The following ARHGAP28 variants were observed in gnomAD, a reference collection of about 807,000 sequenced individuals.
The protein encoded by ARHGAP28 is rho GTPase-activating protein 28.
In ARHGAP28, 56 loss-of-function variants were observed where a neutral mutation model predicts 90.7. The observed-to-expected ratio is 0.62, with a 90% confidence interval of 0.50 to 0.77. The LOEUF (loss-of-function observed/expected upper bound fraction) is 0.77, where lower values mean the gene tolerates loss of function less well. Ranked by LOEUF, ARHGAP28 falls within the 30% of genes least tolerant of loss-of-function variation. The pLI is 0.00. For synonymous variants in ARHGAP28, 308 were observed against 323.3 expected (o/e 0.95, Z 0.51); for missense variants, 869 against 900.9 (o/e 0.96, Z 0.45).
chr18:6,768,205 G>A (rs2056214867), intron 1 of ARHGAP28, among the ~76,000 whole-genome samples: 1 of 151,808 alleles, frequency 6.6e-6, no homozygotes, highest in Admixed American at 6.6e-5. Context: ...TTAAATAGTT[G>A]AGCATATTTA....
At chr18:6,859,596 G>T (rs2056981837) in intron 4 of ARHGAP28, among the ~76,000 whole-genome samples, 1 of 152,156 alleles carries the variant, frequency 6.6e-6, no homozygotes, top group Middle Eastern at 3.2e-3. Flanking sequence ...GCACATCAGT[G>T]TCTGCCACAG....
At chr18:6,811,875 A>G (rs1600207470) in intron 1 of ARHGAP28, among the ~76,000 whole-genome samples, 1 of 152,150 alleles carries the variant, frequency 6.6e-6, no homozygotes, top group Non-Finnish European at 1.5e-5. Context: ...ATCAATCCAC[A>G]TTTACCATTC....
chr18:6,758,781 A>G (rs565987315), intron 1 of ARHGAP28, among the ~76,000 whole-genome samples: 2 of 152,252 alleles, frequency 1.3e-5, no homozygotes, highest in East Asian at 1.9e-4. Context: ...TTTTTTCTCT[A>G]TCTATTCACT....
At chr18:6,777,398 T>C (rs1255685086) in intron 1 of ARHGAP28, among the ~76,000 whole-genome samples, 1 of 152,136 alleles carries the variant, frequency 6.6e-6, no homozygotes, top group Non-Finnish European at 1.5e-5. Flanking sequence ...CTTGACATAC[T>C]GAAGAGTCAG....
At chr18:6,848,593 C>G (rs2143218408) in intron 3 of ARHGAP28, among the ~76,000 whole-genome samples, 1 of 152,294 alleles carries the variant, frequency 6.6e-6, no homozygotes, top group South Asian at 2.1e-4. Flanking sequence ...GGTAAGGTAA[C>G]AGTTGGCCTT....
Position 6,890,026 on chromosome 18 carries a change from G to T in ARHGAP28, c.1675G>T (p.Ala559Ser), listed in dbSNP as rs760443545. 3 of 1,614,076 alleles carry T rather than the reference G, an allele frequency of 1.9e-6. No homozygotes were observed. The Admixed American group carries it at 5.0e-5, about 27-fold the overall frequency. ...CTCTGATTATGAAGAATTACTGTTA[G>T]CAAACACTGCGGCCCACATCATCCG... ...KHSDYEELLL[A>S]NTAAHIIRLM... The change falls in exon 13 of 18, where the codon GCA becomes TCA. Residue 559 changes from alanine to serine, a missense_variant. Transcript: ENST00000383472.
intron 1 of ARHGAP28, among the ~76,000 whole-genome samples, chr18:6,803,927 T>C (rs2056500768): frequency 6.6e-6 from 1 of 151,816 alleles, no homozygotes; most frequent in Non-Finnish European, 1.5e-5. Flanking sequence ...TACAGGCGCC[T>C]CCCACCACGC....
In ARHGAP28 at chr18:6,837,225, A is replaced by G; in HGVS notation, c.354A>G (p.Gln118=). The G allele has an allele frequency of 1.3e-6, 2 of 1,566,748 alleles. No individual in the cohort carries two copies. The highest frequency in any genetic ancestry group is 1.7e-6 in the Non-Finnish European group (2 of 1,158,842). ...GAGAACTTGAAGCAGAATGGCTGCA[A>G]GATGTGGGTTTATCAACTCTGATCT... ...DEGELEAEWL[Q]DVGLSTLISG... is the part of the protein sequence containing the mutation. Residue 118 remains glutamine (Q), a synonymous_variant, in exon 3 of 18, where the codon CAA becomes CAG. Coordinates refer to ENST00000383472, the MANE Select transcript of ARHGAP28 (RefSeq NM_001366230.1).
At chr18:6,870,852 G>A (rs933479158) in intron 7 of ARHGAP28, 120 bp downstream of exon 7, 15 of 1,067,964 alleles carry the variant, frequency 1.4e-5, no homozygotes, top group Admixed American at 5.5e-5. Context: ...CCAGGCTGGA[G>A]TGCAGTGGCG....
At chr18:6,851,359 ATG>A (rs765678777) in intron 4 of ARHGAP28, among the ~76,000 whole-genome samples, 5,536 of 152,286 alleles carry the variant, frequency 0.036, 117 homozygotes, top group Non-Finnish European at 0.056. Context: ...GATTATGGAA[ATG>A]CGAAGAAAGC....
At chr18:6,778,093 G>A (rs1456352413) in intron 1 of ARHGAP28, among the ~76,000 whole-genome samples, 3 of 152,184 alleles carry the variant, frequency 2.0e-5, no homozygotes, top group Non-Finnish European at 4.4e-5. Context: ...CCAAACTTGG[G>A]AAAGTTTTGC....
chr18:6,763,494 G>A (rs1171526454), intron 1 of ARHGAP28, among the ~76,000 whole-genome samples: 1 of 152,178 alleles, frequency 6.6e-6, no homozygotes, highest in Non-Finnish European at 1.5e-5. Context: ...TATTTTTCAA[G>A]GAAGAATATT....
intron 1 of ARHGAP28, among the ~76,000 whole-genome samples, chr18:6,792,162 A>T (rs1216964557): frequency 6.6e-6 from 1 of 152,170 alleles, no homozygotes; most frequent in Non-Finnish European, 1.5e-5. Context: ...GACGTAGAGG[A>T]AGGGATAGAA....
intron 2 of ARHGAP28, among the ~76,000 whole-genome samples, chr18:6,830,451 C>T (rs1469802197): frequency 6.6e-6 from 1 of 152,050 alleles, no homozygotes; most frequent in Non-Finnish European, 1.5e-5. Context: ...TACATTTCTC[C>T]TAAGACTATC....
At chr18:6,817,180 G>T (rs1432119241) in intron 1 of ARHGAP28, among the ~76,000 whole-genome samples, 1 of 151,932 alleles carries the variant, frequency 6.6e-6, no homozygotes, top group East Asian at 1.9e-4. Flanking sequence ...TGGGCATGGT[G>T]GTGCATGCCT....
chr18:6,839,416 C>G (rs2056783194), intron 3 of ARHGAP28, among the ~76,000 whole-genome samples: 1 of 151,938 alleles, frequency 6.6e-6, no homozygotes, highest in Non-Finnish European at 1.5e-5. Context: ...CCCTCAGCCT[C>G]CCGAGTAACT....
intron 5 of ARHGAP28, among the ~76,000 whole-genome samples, chr18:6,866,643 TCTC>T (rs1233096561): frequency 6.6e-6 from 1 of 152,196 alleles, no homozygotes; most frequent in Non-Finnish European, 1.5e-5. Flanking sequence ...ATTCTGTTCT[TCTC>T]ATTGTAAGTA....
At position 6,729,958 on chromosome 18, in the gene ARHGAP28, TCC is replaced by T; in HGVS notation, c.122+17_122+18del. The T allele has an allele frequency of 7.4e-7, 1 of 1,346,068 alleles. No individual in the cohort carries two copies. The highest frequency in any genetic ancestry group is 9.5e-7 in the Non-Finnish European group (1 of 1,053,604). The allele number at this position is 1,346,068 out of a possible 1,614,324, so 83.4% of individuals were successfully genotyped here. A position where few individuals can be genotyped will look rare whatever the true frequency, so the allele number is the denominator to read the frequency against. On this transcript the variant is annotated intron_variant, in intron 1 of 17. Transcript: ENST00000383472. ...CCGCTCAGCAGGTACCCGGAGCCGC[TCC>T]CACCAGGGCGGCGCAGTCGCGCTGG...
intron 1 of ARHGAP28, among the ~76,000 whole-genome samples, chr18:6,765,019 A>G (rs1034083250): frequency 6.6e-6 from 1 of 152,220 alleles, no homozygotes; most frequent in Admixed American, 6.5e-5. Context: ...TAGCAGTCAG[A>G]CACAAGATGT....
Sources: gnomAD v4.1 joint callset for allele counts (sites outside exome capture counted in the v4.1 genomes callset) on GRCh38, gnomAD v4.1.1 for gene constraint, MANE v1.5 for transcripts, NCBI Gene and HGNC (gene_info 2026-07-23, HGNC 2026-07-21) for gene names.